Variants in CNGB1 observed in about 807,000 individuals in gnomAD.
CNGB1 encodes the protein cyclic nucleotide gated channel subunit beta 1.
Under a neutral mutation model 151.7 loss-of-function variants are expected in CNGB1, and 126 were observed. The ratio of observed to expected loss-of-function variants is 0.83; its 90% CI spans 0.72 to 0.96. CNGB1 has a LOEUF of 0.96. Among genes scored for constraint, CNGB1 ranks in the 40% least tolerant of loss-of-function variants. The pLI, the probability that CNGB1 is intolerant of heterozygous loss-of-function variation, is 0.00. For missense variants in CNGB1, 1,698 were observed against 1,627.0 expected (o/e 1.04, Z -0.75); for synonymous variants, 623 against 635.1 (o/e 0.98, Z 0.29).
At chr16:57,923,527 G>A in intron 17 of CNGB1, 147 bp from the exon 18 acceptor site, 2 of 685,036 alleles carry the variant, frequency 2.9e-6, no homozygotes, top group Non-Finnish European at 5.1e-6. Context: ...GTCCTCATTT[G>A]CCTGGAGGGA....
chr16:57,944,818 G>C (rs1190501353), intron 14 of CNGB1, among the ~76,000 whole-genome samples: 1 of 151,844 alleles, frequency 6.6e-6, no homozygotes, highest in Non-Finnish European at 1.5e-5. Context: ...GCCAGGCACA[G>C]TGGTACATGC....
intron 14 of CNGB1, among the ~76,000 whole-genome samples, chr16:57,945,037 A>G (rs910502553): frequency 4.6e-5 from 7 of 152,066 alleles, no homozygotes; most frequent in African/African-American, 1.7e-4. Context: ...CAAATCTCAC[A>G]TAACCCTGAC....
At position 57,960,519 on chromosome 16, in the gene CNGB1, A is replaced by C; in HGVS notation, c.546T>G (p.Asp182Glu). Reference sequence around the variant, plus strand: ...CAGCACCTGTAGCAACTGCAGGCTCATCTCTCCAGACCTGGGTGACAAACA... The same window carrying C: ...CAGCACCTGTAGCAACTGCAGGCTCCTCTCTCCAGACCTGGGTGACAAACA... ...QPPKSSEVWR[D>E]EPAVATGAAS... The change falls in exon 9 of 33, where the codon GAT (aspartate) becomes GAG (glutamate). Residue 182 changes from aspartate (D) to glutamate (E), a missense_variant. Physicochemically the swap from Asp to Glu is conservative, Grantham distance 45. Coordinates refer to ENST00000251102, the MANE Select transcript of CNGB1 (RefSeq NM_001297.5). 8.7e-6 allele frequency: 14 copies of C among 1,613,778 alleles called. No homozygotes were observed. Among genetic ancestry groups the C allele is most frequent in the Non-Finnish European group, 1.1e-5 (13 of 1,179,846 alleles).
chr16:57,958,052 C>T (rs1356190197), intron 11 of CNGB1, among the ~76,000 whole-genome samples: 1 of 152,220 alleles, frequency 6.6e-6, no homozygotes, highest in African/African-American at 2.4e-5. Flanking sequence ...CTGCCGGCTC[C>T]TGTGAGCCTT....
At chr16:57,940,398 C>A in intron 14 of CNGB1, 77 bp from the exon 15 acceptor site, 2 of 1,386,700 alleles carry the variant, frequency 1.4e-6, no homozygotes, top group Non-Finnish European at 1.0e-6. Context: ...CTGCTGAGGG[C>A]CACGCTCTGT....
chr16:57,949,638 G>A (rs1961899503), intron 13 of CNGB1, among the ~76,000 whole-genome samples, 199 bp from the exon 14 acceptor site: 11 of 152,148 alleles, frequency 7.2e-5, no homozygotes, highest in Admixed American at 7.2e-4. Flanking sequence ...TGCATGAGGG[G>A]ACTGTCCCAG....
intron 17 of CNGB1, among the ~76,000 whole-genome samples, chr16:57,929,357 C>T (rs548477779): frequency 1.3e-5 from 2 of 151,776 alleles, no homozygotes; most frequent in Admixed American, 6.6e-5. Flanking sequence ...CACAGTTCCG[C>T]GTGGCTGGGG....
chr16:57,949,411 C>T lies in CNGB1; in HGVS notation c.1063G>A (p.Glu355Lys). The change falls in exon 14 of 33, where the codon GAA becomes AAA. Residue 355 changes from glutamate (E) to lysine (K), a missense_variant. Glu to Lys is a moderately conservative substitution (Grantham distance 56). Coordinates refer to ENST00000251102, the MANE Select transcript of CNGB1 (RefSeq NM_001297.5). ...RELSRIEEEKEDEEEEEEEEE... is the reference protein window; with the variant it reads ...RELSRIEEEKKDEEEEEEEEE... Reference sequence around the variant, plus strand: ...TCTTCCTCTTCCTCCTCCTCATCTTCTTTCTCCTCTTCAATCCGGGACAGC... The same window carrying T: ...TCTTCCTCTTCCTCCTCCTCATCTTTTTTCTCCTCTTCAATCCGGGACAGC... 1.2e-6 allele frequency: 2 copies of T among 1,613,784 alleles called. No homozygotes were observed. Among genetic ancestry groups the T allele is most frequent in the Non-Finnish European group, 1.7e-6 (2 of 1,180,036 alleles).
At chr16:57,893,850 C>T (rs140542304) in intron 31 of CNGB1, among the ~76,000 whole-genome samples, 6 of 152,022 alleles carry the variant, frequency 3.9e-5, no homozygotes, top group Non-Finnish European at 8.8e-5. Flanking sequence ...GGGTTATGAC[C>T]TTTATTTTAC....
chr16:57,962,459 C>T, intron 7 of CNGB1, 106 bp downstream of exon 7: 3 of 1,005,926 alleles, frequency 3.0e-6, no homozygotes, highest in Non-Finnish European at 4.8e-6. Context: ...GAGGCATGTC[C>T]AAGGTCACAC....
In CNGB1 at chr16:57,908,441, C is replaced by T. The variant is rs546984967; in HGVS notation, c.2492+3312G>A. Among the ~76,000 whole-genome samples, 5 of 152,368 alleles carry T rather than the reference C, an allele frequency of 3.3e-5. No homozygotes were observed. The East Asian group carries it at 7.7e-4, about 24-fold the overall frequency. ...CTAGTGGGCACAGCCCAGGGTGAGG[C>T]GGGCACCCTTCGGTGAGTAACTCCC... On this transcript the variant is annotated intron_variant, in intron 25 of 32. Coordinates refer to ENST00000251102, the MANE Select transcript of CNGB1 (RefSeq NM_001297.5).
Position 57,950,316 on chromosome 16 carries a change from G to T in CNGB1, c.1034+65C>A, listed in dbSNP as rs1013932974. 4.4e-6 allele frequency: 7 copies of T among 1,580,980 alleles called. No homozygotes were observed. The African/African-American group carries it at 9.4e-5, about 21-fold the overall frequency. On this transcript the variant is annotated intron_variant, in intron 13 of 32. Transcript: ENST00000251102. ...TGTGCCTTTTCATCTTTGAGATAAG[G>T]TACTGCATGCTTGGCACTTTCTCAA...
rs1220574674 is a variant in CNGB1 at position 57,882,464 on chromosome 16, A to T, written c.*1700T>A. ...GACTCTGGGGTTTGGAAATGCTTAG[A>T]CCAGCCTGGGGACTCCCACATTCTT... On this transcript the variant is annotated 3_prime_UTR_variant, in exon 33 of 33. Coordinates refer to ENST00000251102, the MANE Select transcript of CNGB1 (RefSeq NM_001297.5). 1 of 152,138 alleles carries T rather than the reference A, an allele frequency of 6.6e-6. No individual in the cohort carries two copies. Among genetic ancestry groups the T allele is most frequent in the Non-Finnish European group, 1.5e-5 (1 of 68,022 alleles). 9.4% of individuals were successfully genotyped at this position (152,138 alleles called of 1,614,324 possible).
intron 16 of CNGB1, among the ~76,000 whole-genome samples, chr16:57,933,076 A>T (rs1323470807): frequency 6.6e-6 from 1 of 151,784 alleles, no homozygotes; most frequent in African/African-American, 2.4e-5. Context: ...CCACAGACGC[A>T]CACCACCATG....
At chr16:57,909,636 A>C (rs1398406410) in intron 25 of CNGB1, among the ~76,000 whole-genome samples, 1 of 152,142 alleles carries the variant, frequency 6.6e-6, no homozygotes, top group Non-Finnish European at 1.5e-5. Flanking sequence ...TGATCTGCCC[A>C]CCTTGGCCTC....
chr16:57,931,510 G>A (rs988484280), intron 17 of CNGB1, among the ~76,000 whole-genome samples: 3 of 152,094 alleles, frequency 2.0e-5, no homozygotes, highest in African/African-American at 4.8e-5. Context: ...GGGCATTTGG[G>A]ACAGGGCCTC....
At chr16:57,927,634 A>G (rs1433376027) in intron 17 of CNGB1, among the ~76,000 whole-genome samples, 1 of 152,230 alleles carries the variant, frequency 6.6e-6, no homozygotes, top group Non-Finnish European at 1.5e-5. Flanking sequence ...TTGCGAATGC[A>G]TGAATGACAG....
chr16:57,914,535 G>T (rs1036496589), intron 23 of CNGB1, among the ~76,000 whole-genome samples: 2 of 152,172 alleles, frequency 1.3e-5, no homozygotes, highest in Admixed American at 1.3e-4. Flanking sequence ...TCAGAAAAAG[G>T]CACCAGTCTT....
At position 57,897,547 on chromosome 16, in the gene CNGB1, G is replaced by A. The variant is rs753617403; in HGVS notation, c.3096-4C>T. ...CCCGCCCCCAACAGCCAGCAAGCTG[G>A]GGCAGAGAAGGGAGGAAGGAGGCCC... On this transcript the variant is annotated splice_polypyrimidine_tract_variant and splice_region_variant and intron_variant, in intron 30 of 32. Coordinates refer to ENST00000251102, the MANE Select transcript of CNGB1 (RefSeq NM_001297.5). 4.3e-6 allele frequency: 7 copies of A among 1,613,808 alleles called. No individual in the cohort carries two copies. Among genetic ancestry groups the A allele is most frequent in the Non-Finnish European group, 5.1e-6 (6 of 1,180,036 alleles).
Sources: allele counts gnomAD v4.1 joint callset (sites outside exome capture counted in the v4.1 genomes callset), GRCh38; gene constraint gnomAD v4.1.1; transcripts MANE v1.5; gene names NCBI Gene and HGNC (gene_info 2026-07-23, HGNC 2026-07-21).